Variants in TPCN2 observed in about 807,000 individuals in gnomAD.
The protein encoded by TPCN2 is two pore segment channel 2, also known as two pore channel protein 2.
A neutral mutation model predicts 111.4 loss-of-function variants in TPCN2; 92 were observed. The ratio of observed to expected loss-of-function variants is 0.83; its 90% CI spans 0.70 to 0.98. TPCN2 has a LOEUF of 0.98. Ranked by LOEUF, TPCN2 falls within the 50% of genes least tolerant of loss-of-function variation. The pLI is 0.00. For missense variants in TPCN2, 995 were observed against 980.1 expected, an observed-to-expected ratio of 1.02 and a Z score of -0.20; for synonymous variants, 405 against 414.5, an observed-to-expected ratio of 0.98 and a Z score of 0.28.
intron 1 of TPCN2, among the ~76,000 whole-genome samples, chr11:69,053,738 C>T (rs778487144): frequency 1.1e-4 from 17 of 152,308 alleles, no homozygotes; most frequent in East Asian, 1.9e-4. Flanking sequence ...TGAACCCCGA[C>T]GCTGGTGCCA....
rs1337070378 is a variant in TPCN2 at position 69,078,760 on chromosome 11, G to A, written c.1377G>A (p.Val459=). 6 of 1,613,944 alleles carry A rather than the reference G, an allele frequency of 3.7e-6. No homozygotes were observed. The highest frequency in any genetic ancestry group is 5.1e-6 in the Non-Finnish European group (6 of 1,180,052). The part of the protein sequence containing the change: ...ICVFLVLDAD[V]LPAERDDFIL... Reference sequence around the variant, plus strand: ...TGTTCCTGGTGCTGGATGCAGATGTGCTGCCTGCTGAGCGTGATGACTTCA... The same window carrying A: ...TGTTCCTGGTGCTGGATGCAGATGTACTGCCTGCTGAGCGTGATGACTTCA... The change falls in exon 15 of 25, where the codon GTG becomes GTA. Residue 459 remains valine, a synonymous_variant. Transcript: ENST00000294309.
rs1861100087 is a variant in TPCN2 at position 69,049,202 on chromosome 11, G to A, written c.109+96G>A. 14 of 847,812 alleles carry A rather than the reference G, an allele frequency of 1.7e-5. No individual in the cohort carries two copies. In the South Asian group the frequency reaches 6.0e-4, roughly 36 times the overall value. The allele number at this position is 847,812 out of a possible 1,614,324, so 52.5% of individuals were successfully genotyped here. A position where few individuals can be genotyped will look rare whatever the true frequency, so the allele number is the denominator to read the frequency against. ...CAGCACCCCGCTTTCTGCCGGGCGC[G>A]CCCCCACCAGGTTCGAGTCCGAGCG... On this transcript the variant is annotated intron_variant, in intron 1 of 24. Transcript: ENST00000294309.
rs1282748910 is a variant in TPCN2 at position 69,088,204 on chromosome 11, C to T, written c.*251C>T. The T allele has an allele frequency of 2.3e-5, 12 of 512,422 alleles. No individual in the cohort carries two copies. The highest frequency in any genetic ancestry group is 5.2e-4 in the Middle Eastern group (1 of 1,938). 31.7% of individuals were successfully genotyped at this position (512,422 alleles called of 1,614,324 possible). A position where few individuals can be genotyped will look rare whatever the true frequency, so the allele number is the denominator to read the frequency against. On this transcript the variant is annotated 3_prime_UTR_variant, in exon 25 of 25. Transcript: ENST00000294309. ...TTTTATAGCTGCTTCAGTGAGAATTCCCTCGTCGACTCCACAGGGACCTTT... is the reference window on the plus strand; with the variant it reads ...TTTTATAGCTGCTTCAGTGAGAATTTCCTCGTCGACTCCACAGGGACCTTT...
At chr11:69,083,675 G>A (rs1289596633) in intron 18 of TPCN2, among the ~76,000 whole-genome samples, 1 of 152,184 alleles carries the variant, frequency 6.6e-6, no homozygotes, top group Non-Finnish European at 1.5e-5. Flanking sequence ...GAGTGCGTGC[G>A]GGTGGCGATG....
At chr11:69,072,493 T>C in intron 11 of TPCN2, 134 bp from the exon 12 acceptor site, 1 of 786,028 alleles carries the variant, frequency 1.3e-6, no homozygotes, top group East Asian at 2.7e-5. Flanking sequence ...TTACAGGGGC[T>C]CTTGGTGTGG....
At chr11:69,082,009 C>T (rs1254444262) in intron 18 of TPCN2, among the ~76,000 whole-genome samples, 1 of 152,100 alleles carries the variant, frequency 6.6e-6, no homozygotes, top group East Asian at 1.9e-4. Flanking sequence ...AGGCAGAGGT[C>T]GGGGGTCTGG....
rs1856351981 is a variant in TPCN2 at position 69,088,033 on chromosome 11, A to C, written c.*80A>C. ...GGTGCCCGTCATGGAAGAGGCGGCC[A>C]TGCTGTGGCCAGCCAGGCAGGAAGA... On this transcript the variant is annotated 3_prime_UTR_variant, in exon 25 of 25. Transcript: ENST00000294309. The C allele has an allele frequency of 7.7e-7, 1 of 1,291,206 alleles. No homozygotes were observed. The highest frequency in any genetic ancestry group is 1.1e-6 in the Non-Finnish European group (1 of 933,072). 80.0% of individuals were successfully genotyped at this position (1,291,206 alleles called of 1,614,324 possible).
At position 69,079,884 on chromosome 11, in the gene TPCN2, G is replaced by T. The variant is rs1855934015; in HGVS notation, c.1589+1G>T. 3 of 1,613,564 alleles carry T rather than the reference G, an allele frequency of 1.9e-6. No individual in the cohort carries two copies. The highest frequency in any genetic ancestry group is 2.2e-5 in the East Asian group (1 of 44,894). On this transcript the variant is annotated splice_donor_variant, in intron 17 of 24. Coordinates refer to ENST00000294309, the MANE Select transcript of TPCN2 (RefSeq NM_139075.4). LOFTEE classifies it high-confidence loss of function. ...TGTACCGATTGCCACACCCAGGCTG[G>T]TATGTGACTGGGCAGAACCGAGGGC...
In TPCN2 at chr11:69,078,982, A is replaced by G; in HGVS notation, c.1501A>G (p.Ser501Gly). The change falls in exon 16 of 25, where the codon AGC becomes GGC. Residue 501 changes from serine (S) to glycine (G), a missense_variant. Ser to Gly is a moderately conservative substitution (Grantham distance 56). Coordinates refer to ENST00000294309, the MANE Select transcript of TPCN2 (RefSeq NM_139075.4). ...CCTGCGAGGGTACCTGTCCTACCCCAGCAACGTGTTTGACGGGCTCCTCAC... is the reference window on the plus strand; with the variant it reads ...CCTGCGAGGGTACCTGTCCTACCCCGGCAACGTGTTTGACGGGCTCCTCAC... ...LGLRGYLSYPSNVFDGLLTVV... is the reference protein window; with the variant it reads ...LGLRGYLSYPGNVFDGLLTVV... The G allele has an allele frequency of 6.2e-7, 1 of 1,613,746 alleles. No homozygotes were observed. Among genetic ancestry groups the G allele is most frequent in the Non-Finnish European group, 8.5e-7 (1 of 1,179,850 alleles).
rs571751556 is a variant in TPCN2 at position 69,078,740 on chromosome 11, C to G, written c.1357C>G (p.Leu453Val). ...CTCTGTTCTGGCGTTGCAGGTGTTC[C>G]TGGTGCTGGATGCAGATGTGCTGCC... ...LANLVSICVF[L>V]VLDADVLPAE... Residue 453 changes from leucine (L) to valine (V), a missense_variant, in exon 15 of 25, where the codon CTG becomes GTG. Physicochemically the swap from Leu to Val is conservative, Grantham distance 32. Transcript: ENST00000294309. The G allele has an allele frequency of 6.2e-7, 1 of 1,613,986 alleles. No homozygotes were observed. The highest frequency in any genetic ancestry group is 2.2e-5 in the East Asian group (1 of 44,882).
At chr11:69,064,231 T>A (rs937671408) in intron 7 of TPCN2, among the ~76,000 whole-genome samples, 1 of 151,916 alleles carries the variant, frequency 6.6e-6, no homozygotes, top group African/African-American at 2.4e-5. Context: ...CCCACCCTCC[T>A]CTGCTCCCTC....
intron 13 of TPCN2, 104 bp downstream of exon 13, chr11:69,073,105 C>T: frequency 2.5e-6 from 2 of 813,472 alleles, no homozygotes; most frequent in South Asian, 1.5e-5. Context: ...CTGGGATTCA[C>T]CTGCCAGGGA....
intron 1 of TPCN2, among the ~76,000 whole-genome samples, chr11:69,053,022 C>T (rs765821326): frequency 5.3e-5 from 8 of 152,378 alleles, no homozygotes; most frequent in African/African-American, 7.2e-5. Flanking sequence ...CCCGTGCCTA[C>T]GATGCGGGTG....
intron 5 of TPCN2, among the ~76,000 whole-genome samples, chr11:69,059,387 G>T (rs72919412): frequency 0.14 from 21,853 of 152,162 alleles, 1,967 homozygotes; most frequent in South Asian, 0.2. Flanking sequence ...TATTTCCAGA[G>T]CGGGGACCCA....
intron 11 of TPCN2, among the ~76,000 whole-genome samples, chr11:69,072,233 G>GC (rs750860546): frequency 6.6e-6 from 1 of 151,948 alleles, no homozygotes; most frequent in South Asian, 2.1e-4. Context: ...CGTGCCCCCC[G>GC]GGGACCCTGG....
chr11:69,072,193 G>A (rs571248172), intron 11 of TPCN2, among the ~76,000 whole-genome samples, 170 bp downstream of exon 11: 10 of 152,216 alleles, frequency 6.6e-5, no homozygotes, highest in Middle Eastern at 6.8e-3. Context: ...GGTTCCCGGC[G>A]TCCTTGTCCT....
At chr11:69,072,481 C>T (rs896969) in intron 11 of TPCN2, 146 bp from the exon 12 acceptor site, 332,190 of 711,072 alleles carry the variant, frequency 0.47, 81,021 homozygotes, top group South Asian at 0.67. Context: ...GCAGGATGCT[C>T]GTTACAGGGG....
chr11:69,055,269 G>GC lies in TPCN2; in HGVS notation c.347dup (p.Pro117SerfsTer66). On this transcript the variant is annotated frameshift_variant, in exon 4 of 25. Coordinates refer to ENST00000294309, the MANE Select transcript of TPCN2 (RefSeq NM_139075.4). LOFTEE classifies it high-confidence loss of function. ...CACGGCGGACGTGCGCTACCGCGCTGCTCCCTGGGAGCCGCCCTGCGGCCT... is the reference window on the plus strand; with the variant it reads ...CACGGCGGACGTGCGCTACCGCGCTGCCTCCCTGGGAGCCGCCCTGCGGCCT... 6.2e-7 allele frequency: 1 copy of GC among 1,614,118 alleles called. No individual in the cohort carries two copies. Among genetic ancestry groups the GC allele is most frequent in the Non-Finnish European group, 8.5e-7 (1 of 1,179,996 alleles).
chr11:69,054,863 C>T, intron 3 of TPCN2, 66 bp downstream of exon 3: 1 of 1,519,756 alleles, frequency 6.6e-7, no homozygotes, highest in Non-Finnish European at 9.1e-7. Context: ...GGCTGGCCCC[C>T]ACCTGGGGAT....
Sources: gnomAD v4.1 joint callset for allele counts (sites outside exome capture counted in the v4.1 genomes callset) on GRCh38, gnomAD v4.1.1 for gene constraint, MANE v1.5 for transcripts, NCBI Gene and HGNC (gene_info 2026-07-23, HGNC 2026-07-21) for gene names.